AHCYL1: variants seen among roughly 807,000 people sequenced by gnomAD.
AHCYL1 encodes adenosylhomocysteinase like 1.
In AHCYL1, 20 loss-of-function variants were observed where a neutral mutation model predicts 79.3. That is an observed-to-expected ratio of 0.25 (90% CI 0.18 to 0.37). AHCYL1 has a LOEUF of 0.37. Ranked by LOEUF, AHCYL1 falls within the 10% of genes least tolerant of loss-of-function variation. The probability of loss-of-function intolerance (pLI) is 1.00; values close to 1 mark genes in which losing one functional copy is unlikely to be tolerated. For missense variants in AHCYL1, 330 were observed against 673.6 expected (o/e 0.49, Z 5.65); for synonymous variants, 223 against 242.2 (o/e 0.92, Z 0.74).
intron 2 of AHCYL1, 23 bp downstream of exon 2, chr1:110,009,168 T>G (rs1467684259): frequency 6.3e-7 from 1 of 1,576,940 alleles, no homozygotes; most frequent in Non-Finnish European, 8.7e-7. Flanking sequence ...GAACTCCATG[T>G]CCTCTCTAAT....
chr1:109,995,116 T>C (rs1411103118), intron 1 of AHCYL1, among the ~76,000 whole-genome samples: 1 of 152,076 alleles, frequency 6.6e-6, no homozygotes, highest in Non-Finnish European at 1.5e-5. Context: ...AAAGGCTGGG[T>C]TTTTAGTGGA....
intron 2 of AHCYL1, among the ~76,000 whole-genome samples, chr1:110,009,727 C>G (rs997720086): frequency 1.2e-4 from 19 of 152,070 alleles, no homozygotes; most frequent in Admixed American, 3.3e-4. Context: ...TGTCTTAACT[C>G]TCTGTAAATA....
At chr1:110,018,162 C>A in intron 11 of AHCYL1, 146 bp downstream of exon 11, 1 of 1,067,838 alleles carries the variant, frequency 9.4e-7, no homozygotes, top group Non-Finnish European at 1.4e-6. Flanking sequence ...ACATGTTTTC[C>A]AGAGTAAAAA....
chr1:109,986,658 A>G (rs1182625020), intron 1 of AHCYL1, among the ~76,000 whole-genome samples: 1 of 152,134 alleles, frequency 6.6e-6, no homozygotes, highest in African/African-American at 2.4e-5. Flanking sequence ...AATTTCCCAG[A>G]CTCTGTCTTC....
chr1:109,999,610 A>C lies in AHCYL1; in HGVS notation c.121-9424A>C, dbSNP rs1570857858. Among the ~76,000 whole-genome samples the C allele has an allele frequency of 2.6e-5, 4 of 152,208 alleles. No homozygotes were observed. The South Asian group carries it at 8.3e-4, about 32-fold the overall frequency. ...AGATATCATGTTACTTAAATCCAGA[A>C]TACTTCAATAAAAATAATAGCCTTA... On this transcript the variant is annotated intron_variant, in intron 1 of 16. Transcript: ENST00000369799.
intron 1 of AHCYL1, among the ~76,000 whole-genome samples, chr1:109,988,933 A>G (rs1649606639): frequency 6.6e-6 from 1 of 152,190 alleles, no homozygotes; most frequent in South Asian, 2.1e-4. Context: ...TTGTCATCAG[A>G]GTTATCTTAC....
chr1:109,985,349 G>GTCC, intron 1 of AHCYL1, 177 bp downstream of exon 1: 1 of 1,328,814 alleles, frequency 7.5e-7, no homozygotes, highest in Non-Finnish European at 9.6e-7. Context: ...GGCCGCCTCT[G>GTCC]ACCTCGCTTT....
At chr1:110,017,898 C>T in intron 10 of AHCYL1, 48 bp from the exon 11 acceptor site, 1 of 1,580,904 alleles carries the variant, frequency 6.3e-7, no homozygotes, top group Non-Finnish European at 8.7e-7. Context: ...CATCTTCCCT[C>T]CCACTGCCTT....
Position 110,022,015 on chromosome 1 carries a change from T to C in AHCYL1, c.*335T>C. On this transcript the variant is annotated 3_prime_UTR_variant, in exon 17 of 17. Coordinates refer to ENST00000369799, the MANE Select transcript of AHCYL1 (RefSeq NM_006621.7). ...ACAGGAAATGCTAAGGTACCTTCTC[T>C]GTGGAACAATCTGCAATGTCTAAAT... 4.0e-6 allele frequency: 1 copy of C among 250,916 alleles called. No homozygotes were observed. Among genetic ancestry groups the C allele is most frequent in the Non-Finnish European group, 7.6e-6 (1 of 132,132 alleles). 15.5% of individuals were successfully genotyped at this position (250,916 alleles called of 1,614,324 possible). A position where few individuals can be genotyped will look rare whatever the true frequency, so the allele number is the denominator to read the frequency against.
chr1:109,985,018 GCGGCGGGTCAGCCGCTGGCCGGGCCGGC>G lies in AHCYL1; in HGVS notation c.-31_-4del, dbSNP rs1371108907. ...GCGCCAGAGGGGGAAAGAGGCGGGGGCGGCGGGTCAGCCGCTGGCCGGGCCGGCCGGGGAATGTCGATGCCTGACGCGA... is the reference window on the plus strand; with the variant it reads ...GCGCCAGAGGGGGAAAGAGGCGGGGGCGGGGAATGTCGATGCCTGACGCGA... On this transcript the variant is annotated 5_prime_UTR_variant, in exon 1 of 17. Transcript: ENST00000369799. 6.7e-7 allele frequency: 1 copy of G among 1,498,630 alleles called. No homozygotes were observed. Among genetic ancestry groups the G allele is most frequent in the Non-Finnish European group, 8.9e-7 (1 of 1,122,230 alleles). The allele number at this position is 1,498,630 out of a possible 1,614,324, so 92.8% of individuals were successfully genotyped here.
At chr1:110,000,573 A>C (rs2101707608) in intron 1 of AHCYL1, among the ~76,000 whole-genome samples, 1 of 152,240 alleles carries the variant, frequency 6.6e-6, no homozygotes, top group South Asian at 2.1e-4. Context: ...TTCCTTTACC[A>C]GTGCTTACAA....
chr1:110,012,276 ATC>A, intron 3 of AHCYL1, 84 bp from the exon 4 acceptor site: 1 of 1,205,754 alleles, frequency 8.3e-7, no homozygotes, highest in Admixed American at 2.2e-5. Flanking sequence ...ATCTCACCAT[ATC>A]TCAACAGATC....
At chr1:109,998,766 C>T (rs973628800) in intron 1 of AHCYL1, among the ~76,000 whole-genome samples, 6 of 152,214 alleles carry the variant, frequency 3.9e-5, no homozygotes, top group Non-Finnish European at 8.8e-5. Context: ...GTGTGGGCCA[C>T]CGAGCCTGGC....
At chr1:109,995,821 AT>A in intron 1 of AHCYL1, 1 of 365,992 alleles carries the variant, frequency 2.7e-6, no homozygotes, top group Non-Finnish European at 3.8e-6. Context: ...ATGGGTTGGC[AT>A]TTTGAAACAG....
At chr1:110,019,256 T>C in intron 14 of AHCYL1, 137 bp downstream of exon 14, 10 of 925,294 alleles carry the variant, frequency 1.1e-5, no homozygotes, top group Non-Finnish European at 1.5e-5. Flanking sequence ...AAACAGGTAT[T>C]CTTAAGTATA....
intron 1 of AHCYL1, among the ~76,000 whole-genome samples, chr1:109,986,044 G>T (rs561063670): frequency 6.6e-6 from 1 of 152,316 alleles, no homozygotes; most frequent in South Asian, 2.1e-4. Context: ...GATCCTTATT[G>T]CTTTCTCATC....
Position 110,018,533 on chromosome 1 carries a change from T to C in AHCYL1, c.1219-19T>C, listed in dbSNP as rs372342526. The C allele has an allele frequency of 4.3e-6, 7 of 1,613,996 alleles. No homozygotes were observed. In the African/African-American group the frequency reaches 6.7e-5, roughly 15 times the overall value. ...CCTTTCATTAATAACCATAGTCAAC[T>C]GTGCTTTCTTCCTTTCAGACCAGCC... is the stretch of plus-strand genomic sequence containing the variant. On this transcript the variant is annotated intron_variant, in intron 12 of 16. Coordinates refer to ENST00000369799, the MANE Select transcript of AHCYL1 (RefSeq NM_006621.7).
chr1:109,991,308 A>G (rs1440495005), intron 1 of AHCYL1, among the ~76,000 whole-genome samples: 2 of 152,196 alleles, frequency 1.3e-5, no homozygotes, highest in East Asian at 3.8e-4. Context: ...TACTTTTGAG[A>G]ACCACAGGTA....
At chr1:110,006,599 G>C (rs931032216) in intron 1 of AHCYL1, among the ~76,000 whole-genome samples, 1 of 152,114 alleles carries the variant, frequency 6.6e-6, no homozygotes, top group African/African-American at 2.4e-5. Flanking sequence ...TATTTTCAAC[G>C]TGAGGGTGAA....
Sources: allele counts gnomAD v4.1 joint callset (sites outside exome capture counted in the v4.1 genomes callset), GRCh38; gene constraint gnomAD v4.1.1; transcripts MANE v1.5; gene names NCBI Gene and HGNC (gene_info 2026-07-23, HGNC 2026-07-21).